The following TENM2 variants were observed in gnomAD, a reference collection of about 807,000 sequenced individuals.
TENM2 encodes teneurin transmembrane protein 2, also known as teneurin-2.
Under a neutral mutation model 245.2 loss-of-function variants are expected in TENM2, and 52 were observed. That is an observed-to-expected ratio of 0.21 (90% CI 0.17 to 0.27). The LOEUF (loss-of-function observed/expected upper bound fraction) is 0.27. TENM2 is among the 10% of genes least tolerant of loss of function. The probability of loss-of-function intolerance (pLI) is 1.00; values close to 1 mark genes in which losing one functional copy is unlikely to be tolerated. For synonymous variants in TENM2, 1,363 were observed against 1,438.9 expected, an observed-to-expected ratio of 0.95 and a Z score of 1.19; for missense variants, 3,046 against 3,666.8, an observed-to-expected ratio of 0.83 and a Z score of 4.37.
intron 2 of TENM2, among the ~76,000 whole-genome samples, chr5:167,381,785 C>G (rs1028728661): frequency 1.3e-5 from 2 of 152,124 alleles, no homozygotes; most frequent in African/African-American, 4.8e-5. Flanking sequence ...AAAGCTAGAA[C>G]TCAGCAATTT....
At chr5:167,503,263 T>A (rs1274190438) in intron 2 of TENM2, among the ~76,000 whole-genome samples, 1 of 152,186 alleles carries the variant, frequency 6.6e-6, no homozygotes, top group African/African-American at 2.4e-5. Flanking sequence ...TTTTTTAAAT[T>A]GGAAGCACAT....
chr5:168,089,305 G>A (rs561818254), intron 7 of TENM2, among the ~76,000 whole-genome samples: 2 of 152,034 alleles, frequency 1.3e-5, no homozygotes, highest in East Asian at 1.9e-4. Flanking sequence ...CTTCCTAATT[G>A]GTCCTCCTAC....
At chr5:167,448,267 A>C (rs1765352040) in intron 2 of TENM2, among the ~76,000 whole-genome samples, 1 of 152,032 alleles carries the variant, frequency 6.6e-6, no homozygotes, top group African/African-American at 2.4e-5. Flanking sequence ...GTGCCAGGGC[A>C]ATTGTGCAAA....
intron 10 of TENM2, among the ~76,000 whole-genome samples, chr5:168,120,228 T>C (rs1192133199): frequency 1.3e-5 from 2 of 152,226 alleles, no homozygotes; most frequent in Non-Finnish European, 2.9e-5. Context: ...CTTCACTTGC[T>C]CAGTTCTCTA....
the TENM2 span, among the ~76,000 whole-genome samples, chr5:167,004,515 T>C: frequency 6.6e-6 from 1 of 152,212 alleles, no homozygotes; most frequent in Non-Finnish European, 1.5e-5. Context: ...GAAAACACAG[T>C]TGAAAGGAAG....
chr5:168,190,293 T>C, intron 13 of TENM2, 44 bp from the exon 16 acceptor site: 1 of 1,512,280 alleles, frequency 6.6e-7, no homozygotes, highest in Non-Finnish European at 9.1e-7. Context: ...AACAGCTTTA[T>C]GCCATGAAAT....
intron 2 of TENM2, among the ~76,000 whole-genome samples, chr5:167,702,668 T>A (rs1235883265): frequency 2.0e-5 from 3 of 151,728 alleles, no homozygotes; most frequent in Non-Finnish European, 4.4e-5. Context: ...TTATTGTTTG[T>A]TTTGTTTGAG....
rs543746965 is a variant in TENM2, at chr5:167,776,257, G to A, written c.503-99729G>A. Among the ~76,000 whole-genome samples, 8 of 149,486 alleles carry A rather than the reference G, an allele frequency of 5.4e-5. No individual in the cohort carries two copies. In the East Asian group the frequency reaches 1.4e-3, roughly 26 times the overall value. ...TGGTTGGACTAAAAAAGTAAAGCAA[G>A]GAGTCATAAAATTCAGACTATATAT... On this transcript the variant is annotated intron_variant, in intron 2 of 28. Transcript: ENST00000518659.
intron 23 of TENM2, among the ~76,000 whole-genome samples, chr5:168,223,124 T>C (rs1184451294): frequency 6.6e-6 from 1 of 152,212 alleles, no homozygotes; most frequent in East Asian, 1.9e-4. Flanking sequence ...CCGAATCTTC[T>C]TAAAAGTTAA....
At chr5:167,716,581 C>G (rs1185433608) in intron 2 of TENM2, among the ~76,000 whole-genome samples, 1 of 151,850 alleles carries the variant, frequency 6.6e-6, no homozygotes, top group Non-Finnish European at 1.5e-5. Context: ...AGCTTTGCTC[C>G]TTTCCTTGAA....
At chr5:167,262,694 A>T in the TENM2 span, among the ~76,000 whole-genome samples, 62 of 152,264 alleles carry the variant, frequency 4.1e-4, 1 homozygote, top group Non-Finnish European at 5.6e-4. Context: ...ATATTCCTGG[A>T]ACTCTTCAGA....
intron 21 of TENM2, among the ~76,000 whole-genome samples, chr5:168,216,298 G>A (rs183021245): frequency 4.6e-5 from 7 of 152,288 alleles, no homozygotes; most frequent in Non-Finnish European, 1.0e-4. Context: ...AATACTTCCT[G>A]AAGCATACAC....
intron 2 of TENM2, among the ~76,000 whole-genome samples, chr5:167,504,125 T>C (rs897245742): frequency 1.1e-4 from 17 of 152,194 alleles, no homozygotes; most frequent in Non-Finnish European, 1.5e-5. Context: ...ATGCAGTTTT[T>C]GTCCAATGGA....
chr5:167,114,143 GT>G, the TENM2 span, among the ~76,000 whole-genome samples: 3 of 152,062 alleles, frequency 2.0e-5, no homozygotes, highest in Admixed American at 6.5e-5. Context: ...AGATCATTTT[GT>G]TTTTTTGTTC....
At chr5:167,802,040 T>C (rs1207581959) in intron 2 of TENM2, among the ~76,000 whole-genome samples, 1 of 152,144 alleles carries the variant, frequency 6.6e-6, no homozygotes, top group Non-Finnish European at 1.5e-5. Context: ...TCCCCGTAGA[T>C]GGCACCATAT....
At chr5:167,614,668 T>C (rs2127756830) in intron 2 of TENM2, among the ~76,000 whole-genome samples, 1 of 152,230 alleles carries the variant, frequency 6.6e-6, no homozygotes, top group Non-Finnish European at 1.5e-5. Flanking sequence ...CCTGTGTTTT[T>C]CTGGTTGCAT....
At chr5:167,228,664 A>T in the TENM2 span, among the ~76,000 whole-genome samples, 1 of 151,406 alleles carries the variant, frequency 6.6e-6, no homozygotes, top group Admixed American at 6.6e-5. Flanking sequence ...CTGTGTCCTT[A>T]CATTAATAAT....
intron 1 of TENM2, among the ~76,000 whole-genome samples, chr5:167,341,012 T>C (rs1169696553): frequency 6.6e-6 from 1 of 152,164 alleles, no homozygotes; most frequent in Non-Finnish European, 1.5e-5. Context: ...CAGACCCTCT[T>C]GGTTTGCAGA....
chr5:167,825,028 T>G (rs1767843577), intron 2 of TENM2, among the ~76,000 whole-genome samples: 1 of 151,936 alleles, frequency 6.6e-6, no homozygotes, highest in South Asian at 2.1e-4. Flanking sequence ...AAAGAGTGTG[T>G]TTGGAGACAA....
Sources: allele counts gnomAD v4.1 joint callset (sites outside exome capture counted in the v4.1 genomes callset), GRCh38; gene constraint gnomAD v4.1.1; transcripts MANE v1.5; gene names NCBI Gene and HGNC (gene_info 2026-07-23, HGNC 2026-07-21).